The following OCA2 variants were observed in gnomAD, a reference collection of about 807,000 sequenced individuals.
OCA2 encodes the protein P protein.
A neutral mutation model predicts 100.2 loss-of-function variants in OCA2; 77 were observed. The ratio of observed to expected loss-of-function variants is 0.77; its 90% CI spans 0.64 to 0.93. The LOEUF (loss-of-function observed/expected upper bound fraction) is 0.93, where lower values mean the gene tolerates loss of function less well. Ranked by LOEUF, OCA2 falls within the 40% of genes least tolerant of loss-of-function variation. OCA2 has a pLI of 0.00. For synonymous variants in OCA2, 432 were observed against 439.2 expected (o/e 0.98, Z 0.21); for missense variants, 1,062 against 1,089.1 (o/e 0.98, Z 0.35).
the OCA2 span, among the ~76,000 whole-genome samples, chr15:27,733,808 T>C: frequency 4.1e-3 from 624 of 152,134 alleles, 2 homozygotes; most frequent in Non-Finnish European, 6.2e-3. Context: ...TTAACTTCAC[T>C]CAAAGTATTA....
intron 23 of OCA2, among the ~76,000 whole-genome samples, chr15:27,807,779 GCT>G (rs1048874069): frequency 1.4e-4 from 22 of 152,140 alleles, no homozygotes; most frequent in African/African-American, 4.8e-4. Context: ...TTACTGAAAA[GCT>G]CTCTAGAGCA....
At chr15:27,964,473 G>T (rs896328055) in intron 15 of OCA2, among the ~76,000 whole-genome samples, 3 of 152,200 alleles carry the variant, frequency 2.0e-5, no homozygotes, top group South Asian at 2.1e-4. Context: ...ACTGGGTGGG[G>T]CCTGCCTGTG....
intron 1 of OCA2, among the ~76,000 whole-genome samples, chr15:28,085,609 C>A (rs1302624677): frequency 1.3e-5 from 2 of 152,184 alleles, no homozygotes; most frequent in Admixed American, 1.3e-4. Flanking sequence ...CAAGGACACA[C>A]TTGTCTACAG....
intron 4 of OCA2, 68 bp downstream of exon 4, chr15:28,027,803 G>C: frequency 7.3e-6 from 11 of 1,501,262 alleles, no homozygotes; most frequent in Non-Finnish European, 9.2e-6. Context: ...TTGAAAGATG[G>C]AGGGGCCATG....
chr15:27,921,327 C>A (rs2038851049), intron 19 of OCA2, among the ~76,000 whole-genome samples: 1 of 151,694 alleles, frequency 6.6e-6, no homozygotes, highest in African/African-American at 2.4e-5. Flanking sequence ...GAAAAAAAAA[C>A]TATCAGGGAT....
chr15:27,942,839 A>G (rs910905649), intron 18 of OCA2, among the ~76,000 whole-genome samples: 1 of 152,066 alleles, frequency 6.6e-6, no homozygotes, highest in Non-Finnish European at 1.5e-5. Context: ...ATTACTTTAC[A>G]TTATGTTATA....
chr15:28,018,596 G>A (rs1292128711), intron 6 of OCA2, 39 bp from the exon 7 acceptor site: 1 of 1,600,876 alleles, frequency 6.2e-7, no homozygotes, highest in East Asian at 2.2e-5. Context: ...GCAGACAGGA[G>A]AAACCCCATG....
intron 23 of OCA2, among the ~76,000 whole-genome samples, chr15:27,815,709 G>A (rs1210916257): frequency 6.6e-6 from 1 of 152,206 alleles, no homozygotes; most frequent in Non-Finnish European, 1.5e-5. Flanking sequence ...ACGAGTGAGT[G>A]GGAGAGTCAG....
Position 27,988,374 on chromosome 15 carries a change from G to T in OCA2, c.1182+1227C>A, listed in dbSNP as rs61521738. On this transcript the variant is annotated intron_variant, in intron 11 of 23. Transcript: ENST00000354638. ...CCCTAGTACCTGGGAATGTGAGACT[G>T]TATTTGGAGTGAGGGCGTTGAAGGA... 2.8e-3 allele frequency among the ~76,000 whole-genome samples: 425 copies of T among 152,164 alleles called. 4 individuals are homozygous for T. The highest frequency in any genetic ancestry group is 9.8e-3 in the African/African-American group (408 of 41,518).
chr15:28,056,805 A>G (rs2043713845), intron 2 of OCA2, among the ~76,000 whole-genome samples: 1 of 152,176 alleles, frequency 6.6e-6, no homozygotes, highest in African/African-American at 2.4e-5. Context: ...TCCACACTAT[A>G]TGAATATTCA....
chr15:28,041,598 A>G (rs995747471), intron 2 of OCA2, among the ~76,000 whole-genome samples: 1 of 152,274 alleles, frequency 6.6e-6, no homozygotes, highest in Non-Finnish European at 1.5e-5. Context: ...CTATTTGTAG[A>G]TAACACAACT....
At chr15:27,776,086 CT>C (rs2032194412) in intron 23 of OCA2, among the ~76,000 whole-genome samples, 1 of 152,356 alleles carries the variant, frequency 6.6e-6, no homozygotes, top group East Asian at 1.9e-4. Context: ...ATAATTTCCT[CT>C]TTAGCCTTTG....
intron 21 of OCA2, among the ~76,000 whole-genome samples, chr15:27,853,428 TGGGGGGA>T (rs1426747506): frequency 3.0e-5 from 2 of 66,158 alleles, no homozygotes; most frequent in African/African-American, 6.1e-5. Context: ...TGTTGTGGGG[TGGGGGGA>T]GGGGGGAGGG....
At chr15:28,040,675 T>C (rs1273750615) in intron 2 of OCA2, among the ~76,000 whole-genome samples, 11 of 152,024 alleles carry the variant, frequency 7.2e-5, no homozygotes. Context: ...TTTTAAAAAA[T>C]AAAAAGTATT....
chr15:27,877,971 TTAA>T (rs2036858899), intron 19 of OCA2, among the ~76,000 whole-genome samples: 1 of 150,768 alleles, frequency 6.6e-6, no homozygotes, highest in African/African-American at 2.4e-5. Flanking sequence ...CAGTTGGCTT[TTAA>T]TAATATTATT....
rs2030230585 is a variant in OCA2, at chr15:27,755,063, T to C, written c.*325A>G. The C allele has an allele frequency of 2.0e-5, 7 of 348,460 alleles. No individual in the cohort carries two copies. Among genetic ancestry groups the C allele is most frequent in the South Asian group, 1.7e-4 (7 of 40,368 alleles). 21.6% of individuals were successfully genotyped at this position (348,460 alleles called of 1,614,324 possible). A position where few individuals can be genotyped will look rare whatever the true frequency, so the allele number is the denominator to read the frequency against. ...TTGACAGTTAAACAGTACAGTCAAT[T>C]TTAGGTGGATGTGTGTCTTTTCCTA... On this transcript the variant is annotated 3_prime_UTR_variant, in exon 24 of 24. Coordinates refer to ENST00000354638, the MANE Select transcript of OCA2 (RefSeq NM_000275.3).
At position 28,022,517 on chromosome 15, in the gene OCA2, T is replaced by C; in HGVS notation, c.630A>G (p.Ser210=). Residue 210 remains serine, a synonymous_variant, in exon 6 of 24, where the codon TCA becomes TCG. Coordinates refer to ENST00000354638, the MANE Select transcript of OCA2 (RefSeq NM_000275.3). Reference sequence around the variant, plus strand: ...TTTGGATACAGTAGTTCTCCAGCGGTGATAAGGCCAACAGCTGCCAGAGCT... The same window carrying C: ...TTTGGATACAGTAGTTCTCCAGCGGCGATAAGGCCAACAGCTGCCAGAGCT... ...QGKLWQLLAL[S]PLENYSVNLS... 6.2e-7 allele frequency: 1 copy of C among 1,613,510 alleles called. No homozygotes were observed. The highest frequency in any genetic ancestry group is 1.1e-5 in the South Asian group (1 of 91,074).
intron 23 of OCA2, among the ~76,000 whole-genome samples, chr15:27,833,537 G>A (rs1339125131): frequency 6.6e-6 from 1 of 152,160 alleles, no homozygotes; most frequent in African/African-American, 2.4e-5. Flanking sequence ...GGCTTTTTAA[G>A]TCGTTTTACA....
At chr15:27,949,519 C>T (rs962653479) in intron 18 of OCA2, among the ~76,000 whole-genome samples, 5 of 151,996 alleles carry the variant, frequency 3.3e-5, no homozygotes, top group Non-Finnish European at 7.4e-5. Context: ...AAAAATTAGC[C>T]GGGTGTGGTG....
Sources: gnomAD v4.1 joint callset for allele counts (sites outside exome capture counted in the v4.1 genomes callset) on GRCh38, gnomAD v4.1.1 for gene constraint, MANE v1.5 for transcripts, NCBI Gene and HGNC (gene_info 2026-07-23, HGNC 2026-07-21) for gene names.